ENTHD1: variants seen among roughly 807,000 people sequenced by gnomAD.
ENTHD1 encodes the protein ENTH domain-containing protein 1.
A neutral mutation model predicts 39.1 loss-of-function variants in ENTHD1; 23 were observed. That is an observed-to-expected ratio of 0.59 (90% CI 0.42 to 0.83). ENTHD1 has a LOEUF of 0.83. Ranked by LOEUF, ENTHD1 falls within the 40% of genes least tolerant of loss-of-function variation. The pLI is 0.00. For missense variants in ENTHD1, 624 were observed against 705.4 expected (o/e 0.88, Z 1.31); for synonymous variants, 230 against 258.2 (o/e 0.89, Z 1.05).
intron 3 of ENTHD1, among the ~76,000 whole-genome samples, chr22:39,855,576 A>T (rs1344542478): frequency 2.6e-5 from 4 of 151,534 alleles, no homozygotes; most frequent in African/African-American, 9.7e-5. Flanking sequence ...CTAAACAATA[A>T]TATGTGACTT....
At chr22:39,806,225 C>T (rs1165171512) in intron 5 of ENTHD1, among the ~76,000 whole-genome samples, 1 of 152,222 alleles carries the variant, frequency 6.6e-6, no homozygotes, top group East Asian at 1.9e-4. Flanking sequence ...CACATGCATT[C>T]CCTCACTATT....
intron 4 of ENTHD1, among the ~76,000 whole-genome samples, chr22:39,822,606 A>T (rs1223382849): frequency 6.6e-6 from 1 of 152,194 alleles, no homozygotes; most frequent in Non-Finnish European, 1.5e-5. Flanking sequence ...AATGTATCAC[A>T]ATTGTTTATC....
intron 5 of ENTHD1, among the ~76,000 whole-genome samples, chr22:39,784,085 A>G (rs1280504760): frequency 6.6e-6 from 1 of 152,154 alleles, no homozygotes; most frequent in East Asian, 1.9e-4. Flanking sequence ...TGGGCAAAAG[A>G]TCTTAATAAA....
intron 6 of ENTHD1, among the ~76,000 whole-genome samples, chr22:39,762,447 T>G (rs977163120): frequency 4.0e-5 from 6 of 150,728 alleles, no homozygotes; most frequent in African/African-American, 1.5e-4. Context: ...GATCTCACTG[T>G]GTCACCCAGG....
intron 5 of ENTHD1, among the ~76,000 whole-genome samples, chr22:39,795,743 C>G (rs2065543583): frequency 6.6e-6 from 1 of 151,956 alleles, no homozygotes; most frequent in Non-Finnish European, 1.5e-5. Flanking sequence ...CTTTTTATTA[C>G]TGATTCAATA....
rs544550711 is a variant in ENTHD1 at position 39,786,677 on chromosome 22, T to A, written c.833-21068A>T. On this transcript the variant is annotated intron_variant, in intron 5 of 6. Transcript: ENST00000325157. ...ATCTGAAGTGAAACTTTATACACTT[T>A]AACCAACATCTCTCCAATCCCCTCA... is the stretch of plus-strand genomic sequence containing the variant. Among the ~76,000 whole-genome samples, 3 of 152,290 alleles carry A rather than the reference T, an allele frequency of 2.0e-5. No homozygotes were observed. The East Asian group carries it at 5.8e-4, about 29-fold the overall frequency.
intron 2 of ENTHD1, 88 bp downstream of exon 2, chr22:39,887,312 T>G: frequency 2.6e-6 from 3 of 1,154,776 alleles, no homozygotes; most frequent in Non-Finnish European, 3.7e-6. Flanking sequence ...CCTGGGCTCA[T>G]GCAGTCCTCC....
chr22:39,859,549 T>C (rs2066122672), intron 3 of ENTHD1, among the ~76,000 whole-genome samples: 1 of 152,146 alleles, frequency 6.6e-6, no homozygotes, highest in Admixed American at 6.5e-5. Flanking sequence ...TTCAATATTG[T>C]TGACCCTCAG....
intron 6 of ENTHD1, among the ~76,000 whole-genome samples, chr22:39,764,688 T>G (rs1247170232): frequency 6.6e-6 from 1 of 151,276 alleles, no homozygotes; most frequent in African/African-American, 2.4e-5. Flanking sequence ...TATTACCCAG[T>G]CTAAACAATA....
chr22:39,799,915 G>A (rs375905241), intron 5 of ENTHD1, among the ~76,000 whole-genome samples: 4 of 152,200 alleles, frequency 2.6e-5, no homozygotes, highest in African/African-American at 4.8e-5. Flanking sequence ...ATGTGGAGAT[G>A]CAGGGGCTGT....
At chr22:39,838,593 T>C (rs1201377039) in intron 3 of ENTHD1, among the ~76,000 whole-genome samples, 2 of 152,112 alleles carry the variant, frequency 1.3e-5, no homozygotes, top group Non-Finnish European at 1.5e-5. Flanking sequence ...CACACTCCTA[T>C]GTGGGCAAAC....
intron 5 of ENTHD1, among the ~76,000 whole-genome samples, chr22:39,779,274 G>A (rs1394878379): frequency 6.6e-6 from 1 of 152,124 alleles, no homozygotes; most frequent in East Asian, 1.9e-4. Context: ...CCAGGAGGCG[G>A]AGGTTGCAGT....
intron 6 of ENTHD1, among the ~76,000 whole-genome samples, chr22:39,747,345 C>T (rs2065113631): frequency 6.6e-6 from 1 of 152,018 alleles, no homozygotes; most frequent in Non-Finnish European, 1.5e-5. Flanking sequence ...TTTATAACCC[C>T]GTTTCAAATA....
rs376330821 is a variant in ENTHD1, at chr22:39,853,576, CTTATTA to C, written c.592+8183_592+8188del. Reference sequence around the variant, plus strand: ...AAACCAAAACACTTTTATTCTTCTTCTTATTATTATTTTTTGAGATAGAGTCTTGCT... The same window carrying C: ...AAACCAAAACACTTTTATTCTTCTTCTTATTTTTTGAGATAGAGTCTTGCT... On this transcript the variant is annotated intron_variant, in intron 3 of 6. Transcript: ENST00000325157. 7.1e-3 allele frequency among the ~76,000 whole-genome samples: 1,087 copies of C among 152,036 alleles called. 5 individuals are homozygous for C. Among genetic ancestry groups the C allele is most frequent in the African/African-American group, 0.025 (1,026 of 41,454 alleles).
chr22:39,822,459 C>T (rs2065790765), intron 4 of ENTHD1, among the ~76,000 whole-genome samples: 1 of 152,088 alleles, frequency 6.6e-6, no homozygotes, highest in African/African-American at 2.4e-5. Context: ...TGTAATCATA[C>T]ACTATGTATA....
Position 39,884,511 on chromosome 22 carries a change from G to T in ENTHD1, c.349+2889C>A, listed in dbSNP as rs539820076. ...ATCTTTTTAACAAAATTCGTAAGCT[G>T]GTACTAAACTTCAAATGAAAATGCA... On this transcript the variant is annotated intron_variant, in intron 2 of 6. Transcript: ENST00000325157. Among the ~76,000 whole-genome samples, 5 of 151,300 alleles carry T rather than the reference G, an allele frequency of 3.3e-5. No individual in the cohort carries two copies. The South Asian group carries it at 1.0e-3, about 32-fold the overall frequency.
At chr22:39,781,012 C>CAAAAAAAAAAAAAAAAAAA (rs1555925222) in intron 5 of ENTHD1, among the ~76,000 whole-genome samples, 1 of 138,320 alleles carries the variant, frequency 7.2e-6, no homozygotes, top group Non-Finnish European at 1.6e-5. Flanking sequence ...AAAAAAAAAG[C>CAAAAAAAAAAAAAAAAAAA]AAACAGTAGA....
At chr22:39,789,031 T>C (rs144720260) in intron 5 of ENTHD1, among the ~76,000 whole-genome samples, 87 of 152,348 alleles carry the variant, frequency 5.7e-4, no homozygotes, top group African/African-American at 2.0e-3. Flanking sequence ...TATTGCAATG[T>C]TGGCTTTATT....
intron 3 of ENTHD1, among the ~76,000 whole-genome samples, chr22:39,852,264 T>G (rs2066047317): frequency 6.6e-6 from 1 of 152,082 alleles, no homozygotes; most frequent in African/African-American, 2.4e-5. Context: ...GAGAATCACC[T>G]GAGCCCAGGG....
Sources: allele counts gnomAD v4.1 joint callset (sites outside exome capture counted in the v4.1 genomes callset), GRCh38; gene constraint gnomAD v4.1.1; transcripts MANE v1.5; gene names NCBI Gene and HGNC (gene_info 2026-07-23, HGNC 2026-07-21).